Variants in NSG2 observed in about 807,000 individuals in gnomAD.
NSG2 encodes neuronal vesicle trafficking associated 2.
Under a neutral mutation model 16.9 loss-of-function variants are expected in NSG2, and 4 were observed. That is an observed-to-expected ratio of 0.24 (90% CI 0.12 to 0.54). The LOEUF is 0.54. Among genes scored for constraint, NSG2 ranks in the 20% least tolerant of loss-of-function variants. The pLI is 0.95. For synonymous variants in NSG2, 98 were observed against 88.7 expected (o/e 1.11, Z -0.59); for missense variants, 179 against 221.1 (o/e 0.81, Z 1.21).
chr5:174,081,779 A>T (rs544354036), intron 3 of NSG2, among the ~76,000 whole-genome samples: 127 of 151,466 alleles, frequency 8.4e-4, no homozygotes, highest in Non-Finnish European at 1.6e-3. Flanking sequence ...AGTCCCAGTT[A>T]CTTGGGAGGC....
chr5:174,094,218 A>G (rs765881306), intron 3 of NSG2, among the ~76,000 whole-genome samples: 11 of 152,216 alleles, frequency 7.2e-5, no homozygotes, highest in Non-Finnish European at 1.6e-4. Flanking sequence ...TTCAGTTTCT[A>G]CAGCTATAAA....
At chr5:174,065,707 A>G (rs1008408888) in intron 3 of NSG2, among the ~76,000 whole-genome samples, 4 of 152,172 alleles carry the variant, frequency 2.6e-5, no homozygotes, top group African/African-American at 9.7e-5. Flanking sequence ...AATATTTAGG[A>G]GGCAAACAAT....
At chr5:174,090,879 C>T (rs2113465604) in intron 3 of NSG2, among the ~76,000 whole-genome samples, 1 of 152,274 alleles carries the variant, frequency 6.6e-6, no homozygotes, top group South Asian at 2.1e-4. Flanking sequence ...CTTATCCTTG[C>T]AAGAATTACA....
chr5:174,088,506 T>C (rs545182017), intron 3 of NSG2, among the ~76,000 whole-genome samples: 12 of 152,160 alleles, frequency 7.9e-5, no homozygotes, highest in Admixed American at 2.0e-4. Context: ...TGTGCATGAG[T>C]CTGATAAATC....
intron 4 of NSG2, among the ~76,000 whole-genome samples, chr5:174,105,769 T>C (rs1216219278): frequency 6.6e-6 from 1 of 152,134 alleles, no homozygotes; most frequent in Non-Finnish European, 1.5e-5. Context: ...GCGTGGTGGC[T>C]CATGCCTGTA....
At chr5:174,065,594 G>A (rs1760125957) in intron 3 of NSG2, among the ~76,000 whole-genome samples, 1 of 152,172 alleles carries the variant, frequency 6.6e-6, no homozygotes, top group Non-Finnish European at 1.5e-5. Flanking sequence ...GGATGGAGGG[G>A]CACTATTAGG....
intron 2 of NSG2, among the ~76,000 whole-genome samples, chr5:174,051,973 A>T (rs1217135398): frequency 1.3e-5 from 2 of 152,054 alleles, no homozygotes; most frequent in Non-Finnish European, 2.9e-5. Flanking sequence ...GTACCAGTTT[A>T]TGTGGATTGT....
At chr5:174,067,924 G>A (rs1283087092) in intron 3 of NSG2, among the ~76,000 whole-genome samples, 1 of 152,112 alleles carries the variant, frequency 6.6e-6, no homozygotes, top group African/African-American at 2.4e-5. Flanking sequence ...TGCTCTGAGT[G>A]TGAGGTGCCT....
At chr5:174,054,648 G>C (rs986787052) in intron 2 of NSG2, among the ~76,000 whole-genome samples, 1 of 151,932 alleles carries the variant, frequency 6.6e-6, no homozygotes, top group African/African-American at 2.4e-5. Context: ...CAAAGTGCTG[G>C]GATTACAGAT....
intron 3 of NSG2, among the ~76,000 whole-genome samples, chr5:174,074,762 A>G (rs1760307686): frequency 6.6e-6 from 1 of 151,716 alleles, no homozygotes; most frequent in African/African-American, 2.4e-5. Context: ...GCCTTTTCAT[A>G]CTTCCAGCAT....
intron 3 of NSG2, among the ~76,000 whole-genome samples, chr5:174,065,645 T>C (rs905501508): frequency 6.6e-6 from 1 of 152,002 alleles, no homozygotes; most frequent in Non-Finnish European, 1.5e-5. Context: ...CAAAAAACGG[T>C]GGCAGATCAG....
In NSG2 at chr5:174,064,404, T is replaced by G. The variant is rs924365083; in HGVS notation, c.213+89T>G. ...ACCTCGTGCTTGGAGCAAGTACTGCTGTGGGTGGGGAAATGATGCAGGCTA... is the reference window on the plus strand; with the variant it reads ...ACCTCGTGCTTGGAGCAAGTACTGCGGTGGGTGGGGAAATGATGCAGGCTA... On this transcript the variant is annotated intron_variant, in intron 3 of 4. Transcript: ENST00000303177. 1.3e-5 allele frequency: 10 copies of G among 743,924 alleles called. No individual in the cohort carries two copies. In the African/African-American group the frequency reaches 1.7e-4, roughly 13 times the overall value. 46.1% of individuals were successfully genotyped at this position (743,924 alleles called of 1,614,324 possible).
intron 3 of NSG2, among the ~76,000 whole-genome samples, chr5:174,085,004 A>C (rs1305358744): frequency 6.6e-6 from 1 of 152,168 alleles, no homozygotes; most frequent in East Asian, 1.9e-4. Flanking sequence ...GAAATGCAAG[A>C]GTCTGATTTC....
At position 174,107,257 on chromosome 5, in the gene NSG2, G is replaced by A. The variant is rs1760996800; in HGVS notation, c.325-57G>A. 2 of 1,451,640 alleles carry A rather than the reference G, an allele frequency of 1.4e-6. No individual in the cohort carries two copies. Among genetic ancestry groups the A allele is most frequent in the African/African-American group, 1.4e-5 (1 of 70,702 alleles). The allele number at this position is 1,451,640 out of a possible 1,614,324, so 89.9% of individuals were successfully genotyped here. A position where few individuals can be genotyped will look rare whatever the true frequency, so the allele number is the denominator to read the frequency against. ...CTCCAGTCAGGGTGGCTGTGTTGCTGGGCAGGTTGGGAGCAGTTTGCTGAA... is the reference window on the plus strand; with the variant it reads ...CTCCAGTCAGGGTGGCTGTGTTGCTAGGCAGGTTGGGAGCAGTTTGCTGAA... On this transcript the variant is annotated intron_variant, in intron 4 of 4. Transcript: ENST00000303177. This position sits in a 1 kb window ranked among gnomAD's most constrained non-coding sequence, Gnocchi z 4.5.
At chr5:174,080,028 G>T (rs1760421930) in intron 3 of NSG2, among the ~76,000 whole-genome samples, 1 of 152,138 alleles carries the variant, frequency 6.6e-6, no homozygotes, top group Admixed American at 6.6e-5. Context: ...ATGGCAGTTT[G>T]TCAGGTGTTC....
At chr5:174,106,926 A>G (rs772157155) in intron 4 of NSG2, among the ~76,000 whole-genome samples, 1 of 152,204 alleles carries the variant, frequency 6.6e-6, no homozygotes, top group African/African-American at 2.4e-5. Context: ...AGATGCAAGT[A>G]TAAAATACAG....
chr5:174,072,650 G>A lies in NSG2; in HGVS notation c.213+8335G>A, dbSNP rs1267663013. Among the ~76,000 whole-genome samples the A allele has an allele frequency of 6.6e-6, 1 of 152,210 alleles. No individual in the cohort carries two copies. The highest frequency in any genetic ancestry group is 1.5e-5 in the Non-Finnish European group (1 of 68,042). ...CCCTTCTCTGTACCCTAAGAAGCTA[G>A]CCAGCACCTGGCCGGATGAAGCAGT... On this transcript the variant is annotated intron_variant, in intron 3 of 4. Coordinates refer to ENST00000303177, the MANE Select transcript of NSG2 (RefSeq NM_015980.5). The surrounding 1 kb of genome is among the most constrained non-coding windows in gnomAD (Gnocchi z 4.0).
At chr5:174,093,322 G>A (rs924694182) in intron 3 of NSG2, among the ~76,000 whole-genome samples, 2 of 152,200 alleles carry the variant, frequency 1.3e-5, no homozygotes, top group Non-Finnish European at 2.9e-5. Context: ...GGCCTATCCT[G>A]AGGGCTTTTA....
At chr5:174,091,004 ATTCT>A (rs961499920) in intron 3 of NSG2, among the ~76,000 whole-genome samples, 2 of 138,324 alleles carry the variant, frequency 1.4e-5, no homozygotes, top group Non-Finnish European at 3.1e-5. Context: ...TGCTGATCTG[ATTCT>A]TTCTTTTCTT....
Sources: allele counts gnomAD v4.1 joint callset (sites outside exome capture counted in the v4.1 genomes callset), GRCh38; gene constraint gnomAD v4.1.1; non-coding constraint Gnocchi (gnomAD v3.1); transcripts MANE v1.5; gene names NCBI Gene and HGNC (gene_info 2026-07-23, HGNC 2026-07-21).